The following FNDC1 variants were observed in gnomAD, a reference collection of about 807,000 sequenced individuals.
The protein encoded by FNDC1 is fibronectin type III domain containing 1.
Under a neutral mutation model 168.0 loss-of-function variants are expected in FNDC1, and 96 were observed. The ratio of observed to expected loss-of-function variants is 0.57; its 90% confidence interval spans 0.48 to 0.68. The LOEUF (loss-of-function observed/expected upper bound fraction) is 0.68, where lower values mean the gene tolerates loss of function less well. FNDC1 is among the 30% of genes least tolerant of loss of function. The probability of loss-of-function intolerance (pLI) is 0.00; values close to 1 mark genes in which losing one functional copy is unlikely to be tolerated. For missense variants in FNDC1, 2,587 were observed against 2,482.1 expected (o/e 1.04, Z -0.90); for synonymous variants, 1,099 against 1,025.9 (o/e 1.07, Z -1.36).
At chr6:159,180,332 GT>G (rs1781854085) in intron 1 of FNDC1, among the ~76,000 whole-genome samples, 1 of 152,112 alleles carries the variant, frequency 6.6e-6, no homozygotes, top group African/African-American at 2.4e-5. Context: ...CTGTAAGACT[GT>G]ATTTCCAAAA....
chr6:159,222,016 C>T (rs953513109), intron 6 of FNDC1, among the ~76,000 whole-genome samples: 101 of 152,168 alleles, frequency 6.6e-4, no homozygotes, highest in African/African-American at 2.3e-3. Context: ...GGGTGATGCA[C>T]TGAACGACGT....
intron 4 of FNDC1, among the ~76,000 whole-genome samples, chr6:159,205,260 C>A (rs775819861): frequency 4.6e-5 from 7 of 152,202 alleles, no homozygotes; most frequent in Admixed American, 1.3e-4. Flanking sequence ...ATCTAGCACT[C>A]TTTTCATGGG....
intron 16 of FNDC1, 140 bp from the exon 17 acceptor site, chr6:159,251,162 G>T: frequency 1.6e-6 from 1 of 633,722 alleles, no homozygotes; most frequent in Non-Finnish European, 2.8e-6. Flanking sequence ...GTGTTTCTGA[G>T]CTTGGCATCA....
chr6:159,185,075 G>GGC (rs1554303789), intron 1 of FNDC1, among the ~76,000 whole-genome samples: 4 of 95,768 alleles, frequency 4.2e-5, no homozygotes, highest in East Asian at 4.1e-4. Context: ...GGTGGGGGGG[G>GGC]GGGAATCTTG....
chr6:159,215,238 A>G (rs1782686372), intron 5 of FNDC1, 87 bp downstream of exon 5: 1 of 1,222,272 alleles, frequency 8.2e-7, no homozygotes, highest in South Asian at 1.4e-5. Context: ...ACAGAGCATT[A>G]TATTTTAGTT....
At chr6:159,238,486 A>T (rs1046002711) in intron 12 of FNDC1, 68 bp from the exon 13 acceptor site, 6 of 1,037,074 alleles carry the variant, frequency 5.8e-6, no homozygotes, top group Admixed American at 4.3e-5. Flanking sequence ...GTATATACAT[A>T]TATAATTGGA....
At chr6:159,173,010 T>C (rs1781691904) in intron 1 of FNDC1, among the ~76,000 whole-genome samples, 1 of 152,260 alleles carries the variant, frequency 6.6e-6, no homozygotes, top group South Asian at 2.1e-4. Flanking sequence ...AATATATTTG[T>C]ATGTCAACAT....
chr6:159,239,046 C>T (rs373972743), intron 13 of FNDC1, among the ~76,000 whole-genome samples: 7 of 152,190 alleles, frequency 4.6e-5, no homozygotes, highest in Admixed American at 2.0e-4. Flanking sequence ...ATGGTAATTA[C>T]GTGAAATGCA....
At chr6:159,263,786 A>G (rs1174818164) in intron 19 of FNDC1, among the ~76,000 whole-genome samples, 3 of 151,864 alleles carry the variant, frequency 2.0e-5, no homozygotes, top group African/African-American at 7.3e-5. Flanking sequence ...TAAAATAAAA[A>G]TAAAATAAAA....
In FNDC1 at chr6:159,193,587, C is replaced by T. The variant is rs139100099; in HGVS notation, c.110-3844C>T. On this transcript the variant is annotated intron_variant, in intron 1 of 22. Coordinates refer to ENST00000297267, the MANE Select transcript of FNDC1 (RefSeq NM_032532.3). ...TGGTCAGGTTGGCCCAGAGACCTAC[C>T]GCTGGACTCAGGCTTAGTTCTGGGC... Among the ~76,000 whole-genome samples the T allele has an allele frequency of 4.8e-4, 73 of 152,274 alleles. 1 individual carries two copies. The highest frequency in any genetic ancestry group is 2.4e-4 in the Non-Finnish European group (16 of 68,008).
intron 1 of FNDC1, among the ~76,000 whole-genome samples, chr6:159,186,921 T>C (rs899170466): frequency 2.6e-5 from 4 of 152,238 alleles, no homozygotes; most frequent in South Asian, 2.1e-4. Context: ...TATAAGTACA[T>C]TGGCATGCAT....
intron 15 of FNDC1, among the ~76,000 whole-genome samples, chr6:159,248,127 T>C (rs1358453181): frequency 6.6e-6 from 1 of 152,236 alleles, no homozygotes; most frequent in East Asian, 1.9e-4. Flanking sequence ...AAACAGCAGA[T>C]GTTAGAAAGC....
chr6:159,234,077 A>T lies in FNDC1; in HGVS notation c.3565A>T (p.Lys1189Ter), dbSNP rs768402653. 1 of 1,611,812 alleles carries T rather than the reference A, an allele frequency of 6.2e-7. No individual in the cohort carries two copies. Among genetic ancestry groups the T allele is most frequent in the Non-Finnish European group, 8.5e-7 (1 of 1,179,172 alleles). The change falls in exon 11 of 23, where the codon AAA becomes TAA. Residue 1189 changes from lysine (K) to a stop codon, truncating the protein, a stop_gained. Transcript: ENST00000297267. LOFTEE classifies it high-confidence loss of function. ...CGAGGAGGAGGACGCGGGATTTTTTAAAGGCGGGAAAGAAGACCTTCTGTC... is the reference window on the plus strand; with the variant it reads ...CGAGGAGGAGGACGCGGGATTTTTTTAAGGCGGGAAAGAAGACCTTCTGTC... ...DDEEEDAGFF[K>*]GGKEDLLSSS... is the part of the protein sequence containing the mutation.
intron 20 of FNDC1, 46 bp downstream of exon 20, chr6:159,265,050 G>A (rs369150698): frequency 1.4e-6 from 2 of 1,474,434 alleles, no homozygotes; most frequent in Non-Finnish European, 1.9e-6. Flanking sequence ...TAATCAAGTT[G>A]AATATTGAAT....
In FNDC1 at chr6:159,271,508, G is replaced by A; in HGVS notation, c.*66G>A. Reference sequence around the variant, plus strand: ...CACCAACTAAGTCGCACTAGGGGCTGTGAGCAAAGACAGCCAGCGTGCTCA... The same window carrying A: ...CACCAACTAAGTCGCACTAGGGGCTATGAGCAAAGACAGCCAGCGTGCTCA... On this transcript the variant is annotated 3_prime_UTR_variant, in exon 23 of 23. Transcript: ENST00000297267. 7.9e-7 allele frequency: 1 copy of A among 1,271,156 alleles called. No homozygotes were observed. Among genetic ancestry groups the A allele is most frequent in the Non-Finnish European group, 1.1e-6 (1 of 891,126 alleles). 78.7% of individuals were successfully genotyped at this position (1,271,156 alleles called of 1,614,324 possible).
intron 14 of FNDC1, among the ~76,000 whole-genome samples, chr6:159,245,289 A>G (rs1346992002): frequency 6.6e-6 from 1 of 152,182 alleles, no homozygotes; most frequent in East Asian, 1.9e-4. Context: ...TTATAAGCTC[A>G]ATGTATCTCA....
chr6:159,265,007 A>C lies in FNDC1; in HGVS notation c.5284+3A>C, dbSNP rs1213497603. ...TCTGCTTGTTGTGAGGCCCCCAGGT[A>C]AGTTTATGTTCTTGATAATCTGGAC... On this transcript the variant is annotated splice_donor_region_variant and intron_variant, in intron 20 of 22. Transcript: ENST00000297267. 1 of 1,604,578 alleles carries C rather than the reference A, an allele frequency of 6.2e-7. No homozygotes were observed. The highest frequency in any genetic ancestry group is 1.3e-5 in the African/African-American group (1 of 74,782).
intron 8 of FNDC1, among the ~76,000 whole-genome samples, chr6:159,225,967 A>G (rs773916101): frequency 1.1e-4 from 16 of 152,196 alleles, no homozygotes; most frequent in Non-Finnish European, 1.2e-4. Context: ...TTGTTCTGAC[A>G]TGTGGAGCAC....
intron 1 of FNDC1, among the ~76,000 whole-genome samples, chr6:159,195,261 A>C (rs1283808205): frequency 6.6e-6 from 1 of 152,106 alleles, no homozygotes; most frequent in Non-Finnish European, 1.5e-5. Flanking sequence ...TTGTCATAAG[A>C]ATGCAAATTC....
Sources: allele counts gnomAD v4.1 joint callset (sites outside exome capture counted in the v4.1 genomes callset), GRCh38; gene constraint gnomAD v4.1.1; transcripts MANE v1.5; gene names NCBI Gene and HGNC (gene_info 2026-07-23, HGNC 2026-07-21).